Variants in LHFPL2 observed in about 807,000 individuals in gnomAD.
LHFPL2 encodes the protein LHFPL tetraspan subfamily member 2 protein.
A neutral mutation model predicts 17.5 loss-of-function variants in LHFPL2; 7 were observed. The observed-to-expected ratio is 0.40, with a 90% CI of 0.23 to 0.75. The LOEUF (loss-of-function observed/expected upper bound fraction) is 0.75, where lower values mean the gene tolerates loss of function less well. LHFPL2 is among the 30% of genes least tolerant of loss of function. The pLI is 0.37. For synonymous variants in LHFPL2, 134 were observed against 116.2 expected, an observed-to-expected ratio of 1.15 and a Z score of -0.99; for missense variants, 241 against 294.8, an observed-to-expected ratio of 0.82 and a Z score of 1.34.
intron 2 of LHFPL2, among the ~76,000 whole-genome samples, chr5:78,587,287 G>A (rs1866951): frequency 0.022 from 3,344 of 152,296 alleles, 119 homozygotes; most frequent in African/African-American, 0.077. Flanking sequence ...CAAAGATGCC[G>A]AATAGAGTCT....
At chr5:78,499,970 A>G (rs1053807609) in intron 4 of LHFPL2, among the ~76,000 whole-genome samples, 1 of 152,124 alleles carries the variant, frequency 6.6e-6, no homozygotes, top group African/African-American at 2.4e-5. Flanking sequence ...CAGAATGTGG[A>G]ACACCTGTGT....
At chr5:78,600,704 G>A (rs1172116457) in intron 2 of LHFPL2, among the ~76,000 whole-genome samples, 1 of 152,108 alleles carries the variant, frequency 6.6e-6, no homozygotes, top group Non-Finnish European at 1.5e-5. Flanking sequence ...CTGCAGCCTG[G>A]GCAACAAGAG....
At chr5:78,508,018 A>G (rs976342489) in intron 4 of LHFPL2, among the ~76,000 whole-genome samples, 11 of 151,998 alleles carry the variant, frequency 7.2e-5, no homozygotes, top group African/African-American at 2.7e-4. Flanking sequence ...TAAAGCAGGG[A>G]TATTTCTCTG....
chr5:78,505,406 C>T (rs1754902150), intron 4 of LHFPL2, among the ~76,000 whole-genome samples: 1 of 152,192 alleles, frequency 6.6e-6, no homozygotes, highest in Admixed American at 6.6e-5. Flanking sequence ...GCAATCAACA[C>T]TCAACGGCTA....
intron 4 of LHFPL2, among the ~76,000 whole-genome samples, chr5:78,504,409 C>T (rs550066004): frequency 2.0e-5 from 3 of 152,172 alleles, no homozygotes; most frequent in Non-Finnish European, 4.4e-5. Context: ...TCTGATTTCT[C>T]TCCTCTCAGT....
At chr5:78,533,922 G>A (rs1018822121) in intron 3 of LHFPL2, among the ~76,000 whole-genome samples, 1 of 152,208 alleles carries the variant, frequency 6.6e-6, no homozygotes, top group African/African-American at 2.4e-5. Context: ...TACAACAGAG[G>A]AGTGGAGGCC....
chr5:78,640,526 C>A (rs74389146), intron 1 of LHFPL2, among the ~76,000 whole-genome samples: 1,889 of 152,294 alleles, frequency 0.012, 36 homozygotes, highest in African/African-American at 0.043. Context: ...CCATGGATAT[C>A]AAGCAATGTA....
chr5:78,517,091 A>G (rs967695317), intron 3 of LHFPL2, among the ~76,000 whole-genome samples: 5 of 152,180 alleles, frequency 3.3e-5, no homozygotes, highest in Non-Finnish European at 5.9e-5. Flanking sequence ...ATCTCAGGGA[A>G]TCTCAAGGAC....
intron 2 of LHFPL2, among the ~76,000 whole-genome samples, chr5:78,593,640 T>C (rs1285665671): frequency 6.6e-6 from 1 of 152,158 alleles, no homozygotes; most frequent in Non-Finnish European, 1.5e-5. Flanking sequence ...CAATGATGTA[T>C]TTATAGTACA....
intron 2 of LHFPL2, among the ~76,000 whole-genome samples, chr5:78,583,012 G>A (rs1158207145): frequency 1.3e-5 from 2 of 152,176 alleles, no homozygotes; most frequent in African/African-American, 2.4e-5. Context: ...AGCTCTTCTT[G>A]TTGAATTTAT....
At chr5:78,511,527 C>G (rs1461164430) in intron 3 of LHFPL2, among the ~76,000 whole-genome samples, 1 of 152,218 alleles carries the variant, frequency 6.6e-6, no homozygotes, top group Non-Finnish European at 1.5e-5. Flanking sequence ...TGGCCCTGCT[C>G]TGAATGATTA....
intron 2 of LHFPL2, chr5:78,624,711 TAAG>T (rs1341335187): frequency 6.6e-6 from 1 of 152,220 alleles, no homozygotes; most frequent in Non-Finnish European, 1.5e-5. Flanking sequence ...GTGAATTAAC[TAAG>T]AAGTTAAATA....
chr5:78,590,411 T>C (rs543358086), intron 2 of LHFPL2, among the ~76,000 whole-genome samples: 2 of 152,230 alleles, frequency 1.3e-5, no homozygotes, highest in Non-Finnish European at 2.9e-5. Context: ...TCTAACTATA[T>C]TGAAATCATT....
rs1358079925 is a variant in LHFPL2, at chr5:78,486,147, GT to G, written c.*2749del. ...GACTATGGCACTTTACAGAATATAT[GT>G]TTAACAAAGATCATTACACCACAGA... On this transcript the variant is annotated 3_prime_UTR_variant, in exon 5 of 5. Coordinates refer to ENST00000380345, the MANE Select transcript of LHFPL2 (RefSeq NM_005779.3). 3.3e-5 allele frequency: 5 copies of G among 152,530 alleles called. No individual in the cohort carries two copies. The highest frequency in any genetic ancestry group is 7.4e-5 in the Non-Finnish European group (5 of 68,016). 9.4% of individuals were successfully genotyped at this position (152,530 alleles called of 1,614,324 possible).
intron 2 of LHFPL2, among the ~76,000 whole-genome samples, chr5:78,627,834 G>A (rs971739647): frequency 6.6e-6 from 1 of 152,174 alleles, no homozygotes; most frequent in Non-Finnish European, 1.5e-5. Context: ...GAATTTGTCC[G>A]ATGACCACTA....
intron 4 of LHFPL2, among the ~76,000 whole-genome samples, chr5:78,507,673 A>G (rs1754971869): frequency 1.3e-5 from 2 of 152,182 alleles, no homozygotes. Context: ...GTTCCTCAGG[A>G]TAAGAAGCAC....
intron 2 of LHFPL2, among the ~76,000 whole-genome samples, chr5:78,616,197 G>A (rs530439508): frequency 1.3e-5 from 2 of 152,012 alleles, no homozygotes; most frequent in African/African-American, 2.4e-5. Flanking sequence ...GCGCAATCTC[G>A]GCTCACTGCA....
At chr5:78,553,974 C>A (rs1756509219) in intron 3 of LHFPL2, among the ~76,000 whole-genome samples, 1 of 152,228 alleles carries the variant, frequency 6.6e-6, no homozygotes, top group Non-Finnish European at 1.5e-5. Flanking sequence ...CATTTAGACA[C>A]CTCTCCAAGA....
intron 2 of LHFPL2, among the ~76,000 whole-genome samples, chr5:78,614,296 T>C (rs1037622836): frequency 2.0e-5 from 3 of 152,238 alleles, no homozygotes; most frequent in Non-Finnish European, 4.4e-5. Flanking sequence ...CAAATGCTAC[T>C]AGAACAACTC....
Sources: allele counts gnomAD v4.1 joint callset (sites outside exome capture counted in the v4.1 genomes callset), GRCh38; gene constraint gnomAD v4.1.1; transcripts MANE v1.5; gene names NCBI Gene and HGNC (gene_info 2026-07-23, HGNC 2026-07-21).